The following TMF1 variants were observed in gnomAD, a reference collection of about 807,000 sequenced individuals.
TMF1 encodes the protein TATA element modulatory factor.
In TMF1, 71 loss-of-function variants were observed where a neutral mutation model predicts 126.5. That is an observed-to-expected ratio of 0.56 (90% confidence interval 0.46 to 0.68). The LOEUF is 0.68. Among genes scored for constraint, TMF1 ranks in the 30% least tolerant of loss-of-function variants. The pLI is 0.00. For missense variants in TMF1, 1,259 were observed against 1,253.2 expected, an observed-to-expected ratio of 1.00 and a Z score of -0.07; for synonymous variants, 461 against 430.5, an observed-to-expected ratio of 1.07 and a Z score of -0.88.
intron 5 of TMF1, 139 bp downstream of exon 5, chr3:69,042,668 C>T: frequency 1.4e-6 from 1 of 730,752 alleles, no homozygotes; most frequent in Non-Finnish European, 2.4e-6. Flanking sequence ...CTTCCATAAA[C>T]TGTCACCTAT....
rs2091847729 is a variant in TMF1, at chr3:69,038,900, A to G, written c.1937T>C (p.Met646Thr). Residue 646 changes from methionine (M) to threonine (T), a missense_variant, in exon 7 of 17, where the codon ATG (methionine) becomes ACG (threonine). Transcript: ENST00000398559. ...EKDLGRLQVDMDELEEKNRSI... is the reference protein window; with the variant it reads ...EKDLGRLQVDTDELEEKNRSI... Reference sequence around the variant, plus strand: ...TCGGTTCTTTTCTTCAAGTTCATCCATGTCTACCTGAAGACGGCCAAGATC... The same window carrying G: ...TCGGTTCTTTTCTTCAAGTTCATCCGTGTCTACCTGAAGACGGCCAAGATC... The G allele has an allele frequency of 6.2e-7, 1 of 1,612,202 alleles. No individual in the cohort carries two copies. Among genetic ancestry groups the G allele is most frequent in the African/African-American group, 1.3e-5 (1 of 74,762 alleles).
At chr3:69,042,725 T>G in intron 5 of TMF1, 82 bp downstream of exon 5, 1 of 1,134,626 alleles carries the variant, frequency 8.8e-7, no homozygotes, top group East Asian at 2.4e-5. Context: ...TATTTTTAAT[T>G]AGGAAGCATC....
At chr3:69,034,130 C>T (rs1259883490) in intron 9 of TMF1, among the ~76,000 whole-genome samples, 5 of 152,068 alleles carry the variant, frequency 3.3e-5, no homozygotes, top group Non-Finnish European at 7.4e-5. Flanking sequence ...ATTTTTCTAA[C>T]TGTTCAATCC....
At chr3:69,026,597 G>A (rs1216567287) in intron 13 of TMF1, among the ~76,000 whole-genome samples, 1 of 152,070 alleles carries the variant, frequency 6.6e-6, no homozygotes, top group Admixed American at 6.6e-5. Flanking sequence ...TCCAGCCTGG[G>A]CAATAAGAGT....
intron 1 of TMF1, among the ~76,000 whole-genome samples, chr3:69,050,579 A>ATG: frequency 6.6e-6 from 1 of 152,312 alleles, no homozygotes; most frequent in East Asian, 1.9e-4. Context: ...TTTTCCGAAA[A>ATG]CAAATATCCT....
chr3:69,039,430 G>GA (rs1341756931), intron 6 of TMF1, 121 bp downstream of exon 6: 9 of 1,152,316 alleles, frequency 7.8e-6, no homozygotes, highest in African/African-American at 1.6e-5. Context: ...TCTATTGTTT[G>GA]AAAAATCCTT....
intron 11 of TMF1, 22 bp from the exon 12 acceptor site, chr3:69,028,317 A>T: frequency 1.3e-6 from 2 of 1,540,534 alleles, no homozygotes; most frequent in Non-Finnish European, 1.8e-6. Flanking sequence ...GGCAGAATTT[A>T]AAAAAACAGA....
At chr3:69,051,368 G>A (rs2091927583) in intron 1 of TMF1, among the ~76,000 whole-genome samples, 1 of 152,124 alleles carries the variant, frequency 6.6e-6, no homozygotes, top group Non-Finnish European at 1.5e-5. Context: ...CCAGCTACTA[G>A]GGAGGCTGGG....
intron 15 of TMF1, chr3:69,024,802 C>CCTT (rs372549076): frequency 1.4e-3 from 135 of 99,958 alleles, no homozygotes; most frequent in African/African-American, 4.9e-3. Flanking sequence ...TTTCAAATTT[C>CCTT]TTTTTTTTTT....
chr3:69,030,052 G>C (rs1325529238), intron 10 of TMF1, 45 bp from the exon 11 acceptor site: 1 of 1,526,074 alleles, frequency 6.6e-7, no homozygotes, highest in Admixed American at 2.1e-5. Context: ...ATACAGCCCA[G>C]AGACCAAAAT....
Position 69,036,733 on chromosome 3 carries a change from C to T in TMF1, c.2152-1618G>A, listed in dbSNP as rs1316458697. On this transcript the variant is annotated intron_variant, in intron 8 of 16. Transcript: ENST00000398559. ...AATTAAATCAAAAGGGCATAGGAGT[C>T]AATAAAAATAGTTTTCTCAACAACT... Among the ~76,000 whole-genome samples, 3 of 152,090 alleles carry T rather than the reference C, an allele frequency of 2.0e-5. No individual in the cohort carries two copies. In the East Asian group the frequency reaches 5.8e-4, roughly 29 times the overall value.
In TMF1 at chr3:69,022,379, T is replaced by C. The variant is rs191772420; in HGVS notation, c.*798A>G. On this transcript the variant is annotated 3_prime_UTR_variant, in exon 17 of 17. Transcript: ENST00000398559. Reference sequence around the variant, plus strand: ...CGATTCATTTTATAGGGTAGTAAAATAATACTTCTTCAAAATCATTTAAAT... The same window carrying C: ...CGATTCATTTTATAGGGTAGTAAAACAATACTTCTTCAAAATCATTTAAAT... 16 of 152,520 alleles carry C rather than the reference T, an allele frequency of 1.0e-4. No individual in the cohort carries two copies. The highest frequency in any genetic ancestry group is 1.0e-3 in the Admixed American group (16 of 15,294). 9.4% of individuals were successfully genotyped at this position (152,520 alleles called of 1,614,324 possible).
At chr3:69,039,472 A>C in intron 6 of TMF1, 79 bp downstream of exon 6, 1 of 1,451,500 alleles carries the variant, frequency 6.9e-7, no homozygotes, top group Non-Finnish European at 9.3e-7. Context: ...AATCTTTTCA[A>C]ATGCTCCATA....
chr3:69,029,778 G>A (rs948227454), intron 11 of TMF1, 37 bp downstream of exon 11: 11 of 1,554,640 alleles, frequency 7.1e-6, no homozygotes, highest in South Asian at 2.4e-5. Context: ...AGGATGTCAC[G>A]GAACTACCAA....
In TMF1 at chr3:69,043,918, A is replaced by G. The variant is rs530696080; in HGVS notation, c.1452-42T>C. 1.9e-6 allele frequency: 3 copies of G among 1,544,934 alleles called. No individual in the cohort carries two copies. In the East Asian group the frequency reaches 6.8e-5, roughly 35 times the overall value. On this transcript the variant is annotated intron_variant, in intron 3 of 16. Coordinates refer to ENST00000398559, the MANE Select transcript of TMF1 (RefSeq NM_007114.3). ...ATTTGAGAATGAGGATGGTGTCTAT[A>G]TATCCCAAAGGTATACATGAGTTCA... is the stretch of plus-strand genomic sequence containing the variant.
chr3:69,037,021 T>A (rs2091835623), intron 8 of TMF1, among the ~76,000 whole-genome samples: 1 of 152,126 alleles, frequency 6.6e-6, no homozygotes, highest in Non-Finnish European at 1.5e-5. Flanking sequence ...TGACAAATCC[T>A]ATATCTGATA....
intron 8 of TMF1, among the ~76,000 whole-genome samples, chr3:69,037,220 C>G (rs375813869): frequency 2.0e-4 from 30 of 152,296 alleles, no homozygotes; most frequent in African/African-American, 7.2e-4. Flanking sequence ...ATCAGCCGGG[C>G]GTAGTGGCTC....
chr3:69,033,273 C>CAAAAAAAAAAAAAAAAAAAA (rs34778745), intron 10 of TMF1, among the ~76,000 whole-genome samples: 1 of 85,644 alleles, frequency 1.2e-5, no homozygotes. Flanking sequence ...GACTCCATCT[C>CAAAAAAAAAAAAAAAAAAAA]AAAAAAAAAA....
chr3:69,029,738 G>T, intron 11 of TMF1, 77 bp downstream of exon 11: 1 of 1,395,614 alleles, frequency 7.2e-7, no homozygotes, highest in Non-Finnish European at 9.7e-7. Flanking sequence ...ACGGCGCCCG[G>T]CCCAACAACA....
Sources: gnomAD v4.1 joint callset for allele counts (sites outside exome capture counted in the v4.1 genomes callset) on GRCh38, gnomAD v4.1.1 for gene constraint, MANE v1.5 for transcripts, NCBI Gene and HGNC (gene_info 2026-07-23, HGNC 2026-07-21) for gene names.